TRNP1: variants seen among roughly 807,000 people sequenced by gnomAD.
TRNP1 encodes the protein TMF1 regulated nuclear protein 1.
In TRNP1, 16 loss-of-function variants were observed where a neutral mutation model predicts 12.2. The ratio of observed to expected loss-of-function variants is 1.31; its 90% CI spans 0.89 to 1.99. TRNP1 has a LOEUF of 1.99. TRNP1 is among the 30% of genes most tolerant of loss of function. TRNP1 has a pLI of 0.00. For synonymous variants in TRNP1, 139 were observed against 166.2 expected (o/e 0.84, Z 1.26); for missense variants, 338 against 330.4 (o/e 1.02, Z -0.18).
intron 1 of TRNP1, among the ~76,000 whole-genome samples, chr1:26,997,586 A>C (rs1291818560): frequency 6.6e-6 from 1 of 151,058 alleles, no homozygotes; most frequent in Non-Finnish European, 1.5e-5. Context: ...CTTTCAGAAC[A>C]CTTTCTTGGT....
At position 26,994,277 on chromosome 1, in the gene TRNP1, C is replaced by T. The variant is rs1359175169; in HGVS notation, c.491C>T (p.Ala164Val). The T allele has an allele frequency of 1.7e-6, 2 of 1,178,700 alleles. No homozygotes were observed. Among genetic ancestry groups the T allele is most frequent in the Admixed American group, 9.3e-5 (2 of 21,532 alleles). 73.0% of individuals were successfully genotyped at this position (1,178,700 alleles called of 1,614,324 possible). A position where few individuals can be genotyped will look rare whatever the true frequency, so the allele number is the denominator to read the frequency against. Residue 164 changes from alanine to valine, a missense_variant, in exon 1 of 2, where the codon GCT becomes GTT. Coordinates refer to ENST00000522111, the MANE Select transcript of TRNP1 (RefSeq NM_001013642.3). This position sits in a 1 kb window ranked among gnomAD's most constrained non-coding sequence, Gnocchi z 6.9. ...GVAQAELYLA[A>V]HGSRLKKGPR... The stretch of plus-strand genomic sequence containing the variant: ...GCGCAGGCCGAGCTCTACCTGGCGG[C>T]TCACGGGTCGCGCCTCAAGAAGGGC...
In TRNP1 at chr1:26,994,302, C is replaced by T. The variant is rs1570774346; in HGVS notation, c.516C>T (p.Gly172=). The change falls in exon 1 of 2, where the codon GGC becomes GGT. Residue 172 remains glycine, a synonymous_variant. Transcript: ENST00000522111. This position sits in a 1 kb window ranked among gnomAD's most constrained non-coding sequence, Gnocchi z 6.9. The stretch of plus-strand genomic sequence containing the variant: ...CTCACGGGTCGCGCCTCAAGAAGGG[C>T]CCGCGCCGCGGCCGCCGCGGCCGAC... ...LAAHGSRLKK[G]PRRGRRGRPP... 7.8e-6 allele frequency: 9 copies of T among 1,148,614 alleles called. No homozygotes were observed. The highest frequency in any genetic ancestry group is 1.6e-5 in the African/African-American group (1 of 61,116). 71.2% of individuals were successfully genotyped at this position (1,148,614 alleles called of 1,614,324 possible).
intron 1 of TRNP1, among the ~76,000 whole-genome samples, 189 bp from the exon 2 acceptor site, chr1:26,999,658 C>T (rs761322276): frequency 1.2e-4 from 19 of 152,158 alleles, no homozygotes; most frequent in Non-Finnish European, 2.8e-4. Flanking sequence ...GCTAGGGGAT[C>T]CCAGCCAAGG....
Position 26,994,225 on chromosome 1 carries a change from A to T in TRNP1, c.439A>T (p.Ser147Cys). The change falls in exon 1 of 2, where the codon AGC becomes TGC. Residue 147 changes from serine (S) to cysteine (C), a missense_variant. By Grantham distance (112) the Ser-to-Cys change is moderately radical. Coordinates refer to ENST00000522111, the MANE Select transcript of TRNP1 (RefSeq NM_001013642.3). The surrounding 1 kb of genome is among the most constrained non-coding windows in gnomAD (Gnocchi z 6.9). ...AELRLAHRAESLSRLSGGVAQ... is the reference protein window; with the variant it reads ...AELRLAHRAECLSRLSGGVAQ... ...GCTGCGCCTGGCGCACCGCGCGGAG[A>T]GCCTGAGCCGCCTGAGCGGCGGCGT... 7.9e-7 allele frequency: 1 copy of T among 1,260,476 alleles called. No homozygotes were observed. The highest frequency in any genetic ancestry group is 1.0e-6 in the Non-Finnish European group (1 of 1,000,096). The allele number at this position is 1,260,476 out of a possible 1,614,324, so 78.1% of individuals were successfully genotyped here.
intron 1 of TRNP1, among the ~76,000 whole-genome samples, chr1:26,996,617 ATTTG>A (rs1024211659): frequency 2.0e-5 from 3 of 152,152 alleles, no homozygotes; most frequent in African/African-American, 7.2e-5. Context: ...AGCCAGGACC[ATTTG>A]TTTTCTGGGT....
rs1215520837 is a variant in TRNP1 at position 26,993,861 on chromosome 1, G to A, written c.75G>A (p.Pro25=). The part of the protein sequence containing the change: ...EGTAEQRSPP[P]PWDPMPSSQP... Reference sequence around the variant, plus strand: ...CGGCAGAGCAGAGGTCGCCGCCGCCGCCCTGGGATCCCATGCCGTCCTCTC... The same window carrying A: ...CGGCAGAGCAGAGGTCGCCGCCGCCACCCTGGGATCCCATGCCGTCCTCTC... Residue 25 remains proline (P), a synonymous_variant, in exon 1 of 2, where the codon CCG becomes CCA. Coordinates refer to ENST00000522111, the MANE Select transcript of TRNP1 (RefSeq NM_001013642.3). The A allele has an allele frequency of 7.4e-7, 1 of 1,345,228 alleles. No individual in the cohort carries two copies. 83.3% of individuals were successfully genotyped at this position (1,345,228 alleles called of 1,614,324 possible).
chr1:26,993,975 C>A lies in TRNP1; in HGVS notation c.189C>A (p.Gly63=). The change falls in exon 1 of 2, where the codon GGC becomes GGA. Residue 63 remains glycine, a synonymous_variant. Coordinates refer to ENST00000522111, the MANE Select transcript of TRNP1 (RefSeq NM_001013642.3). ...PLPDAAGASA[G]AAEDQELQRW... is the part of the protein sequence containing the mutation. ...CGGACGCAGCTGGGGCTTCAGCAGGCGCGGCCGAGGACCAGGAGCTGCAGC... is the reference window on the plus strand; with the variant it reads ...CGGACGCAGCTGGGGCTTCAGCAGGAGCGGCCGAGGACCAGGAGCTGCAGC... 1 of 1,318,640 alleles carries A rather than the reference C, an allele frequency of 7.6e-7. No individual in the cohort carries two copies. The allele number at this position is 1,318,640 out of a possible 1,614,324, so 81.7% of individuals were successfully genotyped here. A position where few individuals can be genotyped will look rare whatever the true frequency, so the allele number is the denominator to read the frequency against.
chr1:26,999,012 G>A (rs1320597112), intron 1 of TRNP1, among the ~76,000 whole-genome samples: 1 of 152,200 alleles, frequency 6.6e-6, no homozygotes, highest in Admixed American at 6.5e-5. Context: ...AGATGCTGGA[G>A]GGGTGGCAGA....
intron 1 of TRNP1, among the ~76,000 whole-genome samples, chr1:26,997,012 C>G (rs1372601581): frequency 3.3e-5 from 5 of 152,114 alleles, no homozygotes; most frequent in Non-Finnish European, 5.9e-5. Context: ...CTGCCTGACC[C>G]TCCAGGGCCC....
rs1189627135 is a variant in TRNP1 at position 26,993,712 on chromosome 1, G to C, written c.-75G>C. 2.6e-5 allele frequency: 32 copies of C among 1,242,338 alleles called. No homozygotes were observed. In the East Asian group the frequency reaches 1.0e-3, roughly 39 times the overall value. 77.0% of individuals were successfully genotyped at this position (1,242,338 alleles called of 1,614,324 possible). On this transcript the variant is annotated 5_prime_UTR_variant, in exon 1 of 2. Transcript: ENST00000522111. ...CCTCTGGGGTGGGGGCTGTGGCCGTGTCTAGCTGTTCGGGTGTGCTGTGGT... is the reference window on the plus strand; with the variant it reads ...CCTCTGGGGTGGGGGCTGTGGCCGTCTCTAGCTGTTCGGGTGTGCTGTGGT...
In TRNP1 at chr1:26,994,413, G is replaced by T; in HGVS notation, c.627G>T (p.Glu209Asp). 2 of 1,157,472 alleles carry T rather than the reference G, an allele frequency of 1.7e-6. No individual in the cohort carries two copies. The highest frequency in any genetic ancestry group is 2.1e-6 in the Non-Finnish European group (2 of 940,646). 71.7% of individuals were successfully genotyped at this position (1,157,472 alleles called of 1,614,324 possible). A position where few individuals can be genotyped will look rare whatever the true frequency, so the allele number is the denominator to read the frequency against. The change falls in exon 1 of 2, where the codon GAG becomes GAT. Residue 209 changes from glutamate to aspartate, a missense_variant. Transcript: ENST00000522111. This position sits in a 1 kb window ranked among gnomAD's most constrained non-coding sequence, Gnocchi z 6.9. Reference sequence around the variant, plus strand: ...GACTGCGGCGCGGCCACGGCCCCGAGCCCGACTCGCCCTTCCGCCGCAGCC... The same window carrying T: ...GACTGCGGCGCGGCCACGGCCCCGATCCCGACTCGCCCTTCCGCCGCAGCC... ...AGRLRRGHGP[E>D]PDSPFRRSPP...
intron 1 of TRNP1, among the ~76,000 whole-genome samples, chr1:26,998,198 A>G (rs1363100751): frequency 1.3e-5 from 2 of 150,820 alleles, no homozygotes; most frequent in African/African-American, 4.9e-5. Flanking sequence ...CGTGACTAAC[A>G]TGGTGAAACC....
chr1:26,993,861 G>T lies in TRNP1; in HGVS notation c.75G>T (p.Pro25=). 2.2e-6 allele frequency: 3 copies of T among 1,345,228 alleles called. No individual in the cohort carries two copies. Among genetic ancestry groups the T allele is most frequent in the Non-Finnish European group, 2.9e-6 (3 of 1,051,266 alleles). The allele number at this position is 1,345,228 out of a possible 1,614,324, so 83.3% of individuals were successfully genotyped here. A position where few individuals can be genotyped will look rare whatever the true frequency, so the allele number is the denominator to read the frequency against. Residue 25 remains proline (P), a synonymous_variant, in exon 1 of 2, where the codon CCG becomes CCT. Transcript: ENST00000522111. ...EGTAEQRSPP[P]PWDPMPSSQP... ...CGGCAGAGCAGAGGTCGCCGCCGCC[G>T]CCCTGGGATCCCATGCCGTCCTCTC...
chr1:26,998,286 A>G (rs752315399), intron 1 of TRNP1, among the ~76,000 whole-genome samples: 1 of 152,130 alleles, frequency 6.6e-6, no homozygotes, highest in Non-Finnish European at 1.5e-5. Flanking sequence ...CAGGGAGAAG[A>G]CCCATTAGGA....
At position 26,994,231 on chromosome 1, in the gene TRNP1, A is replaced by T; in HGVS notation, c.445A>T (p.Ser149Cys). Residue 149 changes from serine (S) to cysteine (C), a missense_variant, in exon 1 of 2, where the codon AGC (serine) becomes TGC (cysteine). Coordinates refer to ENST00000522111, the MANE Select transcript of TRNP1 (RefSeq NM_001013642.3). The surrounding 1 kb of genome is among the most constrained non-coding windows in gnomAD (Gnocchi z 6.9). ...CCTGGCGCACCGCGCGGAGAGCCTGAGCCGCCTGAGCGGCGGCGTGGCGCA... is the reference window on the plus strand; with the variant it reads ...CCTGGCGCACCGCGCGGAGAGCCTGTGCCGCCTGAGCGGCGGCGTGGCGCA... Reference protein sequence around the residue: ...LRLAHRAESLSRLSGGVAQAE... With the variant: ...LRLAHRAESLCRLSGGVAQAE... The T allele has an allele frequency of 8.0e-7, 1 of 1,249,156 alleles. No homozygotes were observed. The highest frequency in any genetic ancestry group is 1.6e-5 in the African/African-American group (1 of 63,192). The allele number at this position is 1,249,156 out of a possible 1,614,324, so 77.4% of individuals were successfully genotyped here.
chr1:26,999,842 T>C lies in TRNP1; in HGVS notation c.*143-5T>C, dbSNP rs2082563739. The C allele has an allele frequency of 6.6e-6, 1 of 152,246 alleles. No individual in the cohort carries two copies. Among genetic ancestry groups the C allele is most frequent in the Admixed American group, 6.5e-5 (1 of 15,280 alleles). The allele number at this position is 152,246 out of a possible 1,614,324, so 9.4% of individuals were successfully genotyped here. On this transcript the variant is annotated splice_region_variant and splice_polypyrimidine_tract_variant and intron_variant, in intron 1 of 1. Transcript: ENST00000522111. Reference sequence around the variant, plus strand: ...CATTAAAGCTCTTGGAATTATTCTTTCCAGCTCCTTCCAACTCCTCAGAAC... The same window carrying C: ...CATTAAAGCTCTTGGAATTATTCTTCCCAGCTCCTTCCAACTCCTCAGAAC...
chr1:27,000,243 C>T lies in TRNP1; in HGVS notation c.*539C>T, dbSNP rs1014966585. 14 of 152,304 alleles carry T rather than the reference C, an allele frequency of 9.2e-5. No homozygotes were observed. Among genetic ancestry groups the T allele is most frequent in the African/African-American group, 2.9e-4 (12 of 41,552 alleles). 9.4% of individuals were successfully genotyped at this position (152,304 alleles called of 1,614,324 possible). A position where few individuals can be genotyped will look rare whatever the true frequency, so the allele number is the denominator to read the frequency against. ...CATCATTCTTAAACAACATTCTTAA[C>T]CCCCAGCTGGGGTCCCCATTTTAAT... On this transcript the variant is annotated 3_prime_UTR_variant, in exon 2 of 2. Transcript: ENST00000522111.
At position 27,000,691 on chromosome 1, in the gene TRNP1, C is replaced by T. The variant is rs955436324; in HGVS notation, c.*987C>T. ...TTCTGAGGTTCACTTTGCAAGTGCC[C>T]TTGCTGCCTTTCCTCTGTGTCTATT... On this transcript the variant is annotated 3_prime_UTR_variant, in exon 2 of 2. Transcript: ENST00000522111. The T allele has an allele frequency of 6.6e-6, 1 of 152,402 alleles. No individual in the cohort carries two copies. The highest frequency in any genetic ancestry group is 2.4e-5 in the African/African-American group (1 of 41,414). The allele number at this position is 152,402 out of a possible 1,614,324, so 9.4% of individuals were successfully genotyped here. A position where few individuals can be genotyped will look rare whatever the true frequency, so the allele number is the denominator to read the frequency against.
Position 26,994,664 on chromosome 1 carries a change from G to A in TRNP1, c.*142+52G>A. On this transcript the variant is annotated intron_variant, in intron 1 of 1. Coordinates refer to ENST00000522111, the MANE Select transcript of TRNP1 (RefSeq NM_001013642.3). The surrounding 1 kb of genome is among the most constrained non-coding windows in gnomAD (Gnocchi z 6.9). ...GAGGGTCGGTCATGGCGTGTGGGGGGCTGGTCCAGGGCCCGGGAACTCCCT... is the reference window on the plus strand; with the variant it reads ...GAGGGTCGGTCATGGCGTGTGGGGGACTGGTCCAGGGCCCGGGAACTCCCT... 3.7e-6 allele frequency: 1 copy of A among 268,602 alleles called. No individual in the cohort carries two copies. The allele number at this position is 268,602 out of a possible 1,614,324, so 16.6% of individuals were successfully genotyped here.
Sources: allele counts gnomAD v4.1 joint callset (sites outside exome capture counted in the v4.1 genomes callset), GRCh38; gene constraint gnomAD v4.1.1; non-coding constraint Gnocchi (gnomAD v3.1); transcripts MANE v1.5; gene names NCBI Gene and HGNC (gene_info 2026-07-23, HGNC 2026-07-21).